Variants in ARHGEF12 observed in about 807,000 individuals in gnomAD.
ARHGEF12 encodes Rho guanine nucleotide exchange factor 12, also known as KMT2A/ARHGEF12 fusion protein.
Under a neutral mutation model 211.2 loss-of-function variants are expected in ARHGEF12, and 66 were observed. The observed-to-expected ratio is 0.31, with a 90% confidence interval of 0.26 to 0.38. The LOEUF (loss-of-function observed/expected upper bound fraction) is 0.38. ARHGEF12 is among the 10% of genes least tolerant of loss of function. The probability of loss-of-function intolerance (pLI) is 1.00; values close to 1 mark genes in which losing one functional copy is unlikely to be tolerated. For synonymous variants in ARHGEF12, 592 were observed against 638.4 expected (o/e 0.93, Z 1.09); for missense variants, 1,429 against 1,869.5 (o/e 0.76, Z 4.34).
intron 7 of ARHGEF12, 50 bp from the exon 8 acceptor site, chr11:120,428,019 G>A: frequency 6.9e-7 from 1 of 1,455,764 alleles, no homozygotes; most frequent in South Asian, 1.6e-5. Context: ...AAAGTTTCTT[G>A]ACAATGTTAT....
chr11:120,384,854 G>A (rs894009965), intron 1 of ARHGEF12, among the ~76,000 whole-genome samples: 17 of 151,844 alleles, frequency 1.1e-4, no homozygotes, highest in African/African-American at 3.9e-4. Context: ...CTCTTTGAAG[G>A]GGTAATACTA....
intron 15 of ARHGEF12, among the ~76,000 whole-genome samples, chr11:120,442,415 T>C (rs998348803): frequency 6.2e-5 from 8 of 129,000 alleles, no homozygotes; most frequent in Non-Finnish European, 1.2e-4. Flanking sequence ...TAGGGGATTA[T>C]ATATATATAT....
chr11:120,380,216 A>C (rs1026327358), intron 1 of ARHGEF12, among the ~76,000 whole-genome samples: 1 of 151,628 alleles, frequency 6.6e-6, no homozygotes, highest in Non-Finnish European at 1.5e-5. Flanking sequence ...CATAAATAAC[A>C]CAGAAAATTC....
intron 22 of ARHGEF12, among the ~76,000 whole-genome samples, chr11:120,455,385 A>G (rs901805535): frequency 2.6e-5 from 4 of 152,336 alleles, no homozygotes; most frequent in East Asian, 1.9e-4. Context: ...ACTGCATCAC[A>G]TTCCTCATCA....
At chr11:120,405,398 A>C (rs1944669398) in intron 1 of ARHGEF12, among the ~76,000 whole-genome samples, 1 of 152,000 alleles carries the variant, frequency 6.6e-6, no homozygotes, top group African/African-American at 2.4e-5. Context: ...CATTTAAAAG[A>C]GAGAGAACCA....
chr11:120,424,369 T>G lies in ARHGEF12; in HGVS notation c.360T>G (p.Thr120=), dbSNP rs752513752. 9.9e-6 allele frequency: 16 copies of G among 1,612,784 alleles called. No individual in the cohort carries two copies. Among genetic ancestry groups the G allele is most frequent in the African/African-American group, 4.0e-5 (3 of 74,922 alleles). ...TGDRIIKVNG[T]LVTHSNHLEV... ...TCGTTTTCTTACAGGTGAATGGAACTCTGGTGACTCATTCAAATCATCTGG... is the reference window on the plus strand; with the variant it reads ...TCGTTTTCTTACAGGTGAATGGAACGCTGGTGACTCATTCAAATCATCTGG... Residue 120 remains threonine, a synonymous_variant, in exon 7 of 41, where the codon ACT becomes ACG. Coordinates refer to ENST00000397843, the MANE Select transcript of ARHGEF12 (RefSeq NM_015313.3).
At chr11:120,457,309 G>A (rs1946392397) in intron 23 of ARHGEF12, 59 bp downstream of exon 23, 1 of 1,583,278 alleles carries the variant, frequency 6.3e-7, no homozygotes, top group Non-Finnish European at 8.6e-7. Flanking sequence ...TAAATTATAT[G>A]CTATTCCTAT....
intron 1 of ARHGEF12, among the ~76,000 whole-genome samples, chr11:120,385,993 A>G (rs2135473693): frequency 6.6e-6 from 1 of 152,270 alleles, no homozygotes; most frequent in Non-Finnish European, 1.5e-5. Flanking sequence ...GAGTGTTTTT[A>G]CAGAGTAACC....
At chr11:120,358,650 T>C (rs1943196280) in intron 1 of ARHGEF12, among the ~76,000 whole-genome samples, 1 of 152,164 alleles carries the variant, frequency 6.6e-6, no homozygotes, top group Non-Finnish European at 1.5e-5. Context: ...AAATTGAAAA[T>C]TCAGTTCCTC....
At position 120,445,385 on chromosome 11, in the gene ARHGEF12, T is replaced by C. The variant is rs370283401; in HGVS notation, c.1303-37T>C. 85 of 1,609,992 alleles carry C rather than the reference T, an allele frequency of 5.3e-5. No individual in the cohort carries two copies. The African/African-American group carries it at 9.3e-4, about 18-fold the overall frequency. ...ACTTATGTACATCTTCAAATATCTT[T>C]AGCGTTGTTACACCTTTTGTTTGCA... On this transcript the variant is annotated intron_variant, in intron 15 of 40. Coordinates refer to ENST00000397843, the MANE Select transcript of ARHGEF12 (RefSeq NM_015313.3).
At chr11:120,414,815 C>T (rs887536374) in intron 4 of ARHGEF12, among the ~76,000 whole-genome samples, 1 of 152,210 alleles carries the variant, frequency 6.6e-6, no homozygotes, top group Non-Finnish European at 1.5e-5. Flanking sequence ...TGTGCTCAAA[C>T]TCCTGGCCTC....
chr11:120,423,170 G>A (rs1565469779), intron 6 of ARHGEF12, among the ~76,000 whole-genome samples: 1 of 152,086 alleles, frequency 6.6e-6, no homozygotes, highest in East Asian at 1.9e-4. Context: ...CAACCTCACT[G>A]ATAACAAAGA....
intron 1 of ARHGEF12, among the ~76,000 whole-genome samples, chr11:120,367,695 G>T (rs1943468665): frequency 6.6e-6 from 1 of 152,132 alleles, no homozygotes; most frequent in Non-Finnish European, 1.5e-5. Flanking sequence ...AAATAGCTGA[G>T]TGCAGTGGTT....
chr11:120,336,886 G>C lies in ARHGEF12; in HGVS notation c.-358G>C, dbSNP rs965355453. The C allele has an allele frequency of 9.6e-6, 4 of 417,048 alleles. No homozygotes were observed. Among genetic ancestry groups the C allele is most frequent in the Non-Finnish European group, 1.3e-5 (3 of 237,182 alleles). The allele number at this position is 417,048 out of a possible 1,614,324, so 25.8% of individuals were successfully genotyped here. On this transcript the variant is annotated 5_prime_UTR_variant, in exon 1 of 41. Transcript: ENST00000397843. ...AGGAGGAGCCGACACCCGTCCGTGAGCTGATCCCGCCCCAGCCCCGGCGGG... is the reference window on the plus strand; with the variant it reads ...AGGAGGAGCCGACACCCGTCCGTGACCTGATCCCGCCCCAGCCCCGGCGGG...
Position 120,469,327 on chromosome 11 carries a change from A to G in ARHGEF12, c.2894A>G (p.Asp965Gly). The G allele has an allele frequency of 6.2e-7, 1 of 1,613,648 alleles. No homozygotes were observed. The highest frequency in any genetic ancestry group is 2.2e-5 in the East Asian group (1 of 44,860). Residue 965 changes from aspartate to glycine, a missense_variant, in exon 30 of 41, where the codon GAT (aspartate) becomes GGT (glycine). Coordinates refer to ENST00000397843, the MANE Select transcript of ARHGEF12 (RefSeq NM_015313.3). ...AGGGAGAAGGTGAAGAAAGCTGCAGATCACTGTCGTCAGATCTTAAATTAT... is the reference window on the plus strand; with the variant it reads ...AGGGAGAAGGTGAAGAAAGCTGCAGGTCACTGTCGTCAGATCTTAAATTAT... ...TEREKVKKAA[D>G]HCRQILNYVN...
intron 24 of ARHGEF12, 73 bp downstream of exon 24, chr11:120,457,829 A>C (rs1318138117): frequency 2.7e-6 from 4 of 1,502,286 alleles, no homozygotes; most frequent in African/African-American, 1.4e-5. Context: ...CTAAAGTTTC[A>C]TTTTAAAGGA....
At chr11:120,363,497 A>G (rs1176132999) in intron 1 of ARHGEF12, among the ~76,000 whole-genome samples, 5 of 152,178 alleles carry the variant, frequency 3.3e-5, no homozygotes, top group Non-Finnish European at 7.4e-5. Context: ...TAGCAAGTTA[A>G]TACTGGTTTT....
intron 18 of ARHGEF12, among the ~76,000 whole-genome samples, chr11:120,447,470 G>C (rs752107769): frequency 4.6e-5 from 7 of 152,236 alleles, no homozygotes; most frequent in Admixed American, 1.3e-4. Context: ...TTTTATTCTA[G>C]GGTGTGGCCC....
chr11:120,484,340 C>G (rs1377012338), intron 39 of ARHGEF12, 98 bp from the exon 40 acceptor site: 4 of 1,013,452 alleles, frequency 3.9e-6, no homozygotes, highest in Non-Finnish European at 5.9e-6. Context: ...GGGCTTGTAC[C>G]TGTAATGTAA....
Sources: allele counts gnomAD v4.1 joint callset (sites outside exome capture counted in the v4.1 genomes callset), GRCh38; gene constraint gnomAD v4.1.1; transcripts MANE v1.5; gene names NCBI Gene and HGNC (gene_info 2026-07-23, HGNC 2026-07-21).